Variants in SGCD observed in about 807,000 individuals in gnomAD.
The protein encoded by SGCD is sarcoglycan delta.
Under a neutral mutation model 36.6 loss-of-function variants are expected in SGCD, and 18 were observed. The observed-to-expected ratio is 0.49, with a 90% CI of 0.34 to 0.73. The LOEUF is 0.73. SGCD is among the 30% of genes least tolerant of loss of function. SGCD has a pLI of 0.01. For missense variants in SGCD, 387 were observed against 346.7 expected (o/e 1.12, Z -0.92); for synonymous variants, 133 against 130.6 (o/e 1.02, Z -0.12).
rs918350673 is a variant in SGCD at position 156,397,517 on chromosome 5, C to T, written c.192+52840C>T. Reference sequence around the variant, plus strand: ...AAGGAAAGTGATTTGCCTGAGGTTACACAGCTGAGACCAGAACTCAAATTG... The same window carrying T: ...AAGGAAAGTGATTTGCCTGAGGTTATACAGCTGAGACCAGAACTCAAATTG... On this transcript the variant is annotated intron_variant, in intron 3 of 8. Transcript: ENST00000337851. 7.9e-5 allele frequency among the ~76,000 whole-genome samples: 12 copies of T among 152,176 alleles called. No individual in the cohort carries two copies. The East Asian group carries it at 2.1e-3, about 27-fold the overall frequency.
chr5:155,887,333 G>A (rs1756028360), intron 1 of SGCD, among the ~76,000 whole-genome samples: 1 of 152,150 alleles, frequency 6.6e-6, no homozygotes, highest in Admixed American at 6.5e-5. Flanking sequence ...TTCCATTTGA[G>A]AAGAAAAATG....
intron 3 of SGCD, among the ~76,000 whole-genome samples, chr5:156,434,706 C>T (rs1037197784): frequency 6.6e-6 from 1 of 152,172 alleles, no homozygotes; most frequent in East Asian, 1.9e-4. Flanking sequence ...TTTCCCTAAT[C>T]ATTAGGCGAT....
At chr5:156,417,179 T>C (rs908755755) in intron 3 of SGCD, among the ~76,000 whole-genome samples, 2 of 152,220 alleles carry the variant, frequency 1.3e-5, no homozygotes, top group African/African-American at 4.8e-5. Flanking sequence ...AATGTTTTGA[T>C]TGAATTTTTT....
intron 1 of SGCD, among the ~76,000 whole-genome samples, chr5:155,993,869 A>C (rs564197032): frequency 5.3e-5 from 8 of 152,298 alleles, no homozygotes; most frequent in African/African-American, 1.9e-4. Flanking sequence ...CAGATGTCTC[A>C]CAGCATCACT....
intron 4 of SGCD, among the ~76,000 whole-genome samples, chr5:156,544,773 G>A (rs945619621): frequency 6.6e-6 from 1 of 152,094 alleles, no homozygotes; most frequent in South Asian, 2.1e-4. Flanking sequence ...AGCAATAATA[G>A]TCATTACTAT....
intron 3 of SGCD, among the ~76,000 whole-genome samples, chr5:156,445,630 T>C (rs1753726683): frequency 6.6e-6 from 1 of 152,198 alleles, no homozygotes; most frequent in African/African-American, 2.4e-5. Context: ...ATTTGTGACC[T>C]CTGTGACCTT....
intron 3 of SGCD, among the ~76,000 whole-genome samples, chr5:156,487,503 A>C (rs1469405539): frequency 1.3e-5 from 2 of 152,154 alleles, no homozygotes; most frequent in South Asian, 4.1e-4. Flanking sequence ...ACAAGAGCTT[A>C]ACAAGGTCAG....
intron 3 of SGCD, among the ~76,000 whole-genome samples, chr5:156,222,242 C>T (rs75167502): frequency 0.021 from 3,139 of 152,146 alleles, 109 homozygotes; most frequent in African/African-American, 0.068. Flanking sequence ...GGACAGGATA[C>T]TGGGCTAAAG....
chr5:156,116,063 AT>A (rs1761897933), intron 1 of SGCD, among the ~76,000 whole-genome samples: 1 of 152,118 alleles, frequency 6.6e-6, no homozygotes, highest in Admixed American at 6.6e-5. Context: ...TTAAAATTTT[AT>A]TATTTTGTCC....
chr5:156,255,873 T>C (rs960293608), intron 3 of SGCD, among the ~76,000 whole-genome samples: 1 of 152,130 alleles, frequency 6.6e-6, no homozygotes, highest in Non-Finnish European at 1.5e-5. Flanking sequence ...TTTTTACCTC[T>C]TTCTATTTTC....
chr5:155,919,563 T>TA (rs1168422332), intron 1 of SGCD, among the ~76,000 whole-genome samples: 1 of 152,104 alleles, frequency 6.6e-6, no homozygotes, highest in East Asian at 1.9e-4. Flanking sequence ...ATTACAAACT[T>TA]AAAAAAACAA....
At chr5:156,303,311 C>G (rs1323970541) in intron 3 of SGCD, among the ~76,000 whole-genome samples, 2 of 152,088 alleles carry the variant, frequency 1.3e-5, no homozygotes, top group African/African-American at 4.8e-5. Context: ...TCACTCTAGG[C>G]CCAAAGGTCT....
chr5:156,620,561 T>G (rs73299201), intron 6 of SGCD, among the ~76,000 whole-genome samples: 8,057 of 152,168 alleles, frequency 0.053, 711 homozygotes, highest in African/African-American at 0.18. Flanking sequence ...TACAGAGGTG[T>G]TCGGGAGAAA....
At chr5:155,807,681 C>A in the SGCD span, among the ~76,000 whole-genome samples, 1 of 152,228 alleles carries the variant, frequency 6.6e-6, no homozygotes, top group Non-Finnish European at 1.5e-5. Flanking sequence ...GTTTTTGTTC[C>A]AAAGAGTTTT....
At position 156,166,720 on chromosome 5, in the gene SGCD, A is replaced by G. The variant is rs1006589364; in HGVS notation, c.-44+42701A>G. On this transcript the variant is annotated intron_variant, in intron 3 of 9. Coordinates refer to the SGCD transcript ENST00000517913. Reference sequence around the variant, plus strand: ...TGCCAATTTAGGAAACAAAACCTACATAAAGTTTTAGGGAAGAAGTTTTAG... The same window carrying G: ...TGCCAATTTAGGAAACAAAACCTACGTAAAGTTTTAGGGAAGAAGTTTTAG... 2.6e-5 allele frequency among the ~76,000 whole-genome samples: 4 copies of G among 152,328 alleles called. No homozygotes were observed. The East Asian group carries it at 5.8e-4, about 22-fold the overall frequency.
intron 4 of SGCD, among the ~76,000 whole-genome samples, chr5:156,553,891 C>T (rs886079287): frequency 6.6e-6 from 1 of 152,112 alleles, no homozygotes; most frequent in African/African-American, 2.4e-5. Flanking sequence ...TGCTTTTTGA[C>T]TATTATGAGC....
At chr5:156,522,941 A>G (rs1407408824) in intron 4 of SGCD, among the ~76,000 whole-genome samples, 1 of 152,178 alleles carries the variant, frequency 6.6e-6, no homozygotes, top group East Asian at 1.9e-4. Flanking sequence ...CTCAGCATGA[A>G]TTGTTATTTT....
chr5:156,432,352 T>C (rs1753058488), intron 3 of SGCD, among the ~76,000 whole-genome samples: 1 of 152,222 alleles, frequency 6.6e-6, no homozygotes, highest in Admixed American at 6.5e-5. Context: ...GCGAGCAGTA[T>C]TTCTTTGTCA....
At chr5:155,896,509 G>A (rs541842763) in intron 1 of SGCD, among the ~76,000 whole-genome samples, 2 of 151,014 alleles carry the variant, frequency 1.3e-5, no homozygotes, top group East Asian at 3.9e-4. Context: ...AGGCAGCCAC[G>A]ATGATGTGCG....
Sources: allele counts gnomAD v4.1 joint callset (sites outside exome capture counted in the v4.1 genomes callset), GRCh38; gene constraint gnomAD v4.1.1; transcripts MANE v1.5; gene names NCBI Gene and HGNC (gene_info 2026-07-23, HGNC 2026-07-21).